EPHB2: variants seen among roughly 807,000 people sequenced by gnomAD.
EPHB2 encodes the protein EPH receptor B2, also known as ephrin type-B receptor 2.
EPHB2 carries 18 observed loss-of-function variants against 96.4 expected under a neutral mutation model. That is an observed-to-expected ratio of 0.19 (90% CI 0.13 to 0.28). The LOEUF (loss-of-function observed/expected upper bound fraction) is 0.28. Ranked by LOEUF, EPHB2 falls within the 10% of genes least tolerant of loss-of-function variation. EPHB2 has a pLI of 1.00. For synonymous variants in EPHB2, 506 were observed against 534.1 expected (o/e 0.95, Z 0.72); for missense variants, 989 against 1,355.4 (o/e 0.73, Z 4.25).
chr1:22,767,685 C>T (rs1431653664), intron 1 of EPHB2, among the ~76,000 whole-genome samples: 2 of 152,286 alleles, frequency 1.3e-5, no homozygotes, highest in Middle Eastern at 3.4e-3. Context: ...TCCTTCCCAC[C>T]ACTGGCCCAG....
chr1:22,777,204 CT>C (rs953757170), intron 1 of EPHB2, among the ~76,000 whole-genome samples: 8 of 152,188 alleles, frequency 5.3e-5, no homozygotes, highest in Admixed American at 5.2e-4. Context: ...ACCACATTGT[CT>C]GTGCGGAGTG....
chr1:22,909,335 G>A (rs373224306), intron 13 of EPHB2, among the ~76,000 whole-genome samples, 164 bp downstream of exon 13: 2 of 152,216 alleles, frequency 1.3e-5, no homozygotes, highest in African/African-American at 4.8e-5. Flanking sequence ...TGGCTGATTC[G>A]AATGTCTGCA....
chr1:22,798,499 C>T (rs933590706), intron 3 of EPHB2, among the ~76,000 whole-genome samples: 1 of 152,060 alleles, frequency 6.6e-6, no homozygotes, highest in Non-Finnish European at 1.5e-5. Context: ...AGTTTCAGCT[C>T]CTGCTCCCTT....
chr1:22,842,508 G>A (rs1387131053), intron 3 of EPHB2, among the ~76,000 whole-genome samples: 2 of 151,960 alleles, frequency 1.3e-5, no homozygotes, highest in African/African-American at 2.4e-5. Context: ...TGGCCACCCT[G>A]TGCCCCCATA....
intron 1 of EPHB2, 107 bp from the exon 2 acceptor site, chr1:22,781,314 C>A (rs1224674974): frequency 4.8e-6 from 5 of 1,048,120 alleles, no homozygotes; most frequent in Admixed American, 2.4e-5. Context: ...AGCCAGACTC[C>A]GTCTAAAAAA....
intron 1 of EPHB2, among the ~76,000 whole-genome samples, chr1:22,765,718 C>T (rs1319423174): frequency 6.6e-6 from 1 of 152,060 alleles, no homozygotes; most frequent in African/African-American, 2.4e-5. Context: ...GGACCAACCC[C>T]CAGGCTGCCT....
intron 1 of EPHB2, among the ~76,000 whole-genome samples, chr1:22,721,944 A>G (rs929512177): frequency 6.6e-6 from 1 of 151,926 alleles, no homozygotes; most frequent in Non-Finnish European, 1.5e-5. Context: ...TGCTTATGGG[A>G]AAACTGGTTT....
chr1:22,873,078 A>G (rs1638724793), intron 5 of EPHB2, among the ~76,000 whole-genome samples: 1 of 152,240 alleles, frequency 6.6e-6, no homozygotes, highest in South Asian at 2.1e-4. Context: ...AAAATAACAG[A>G]TAGCCACTGC....
chr1:22,873,457 T>C (rs1175575816), intron 5 of EPHB2, among the ~76,000 whole-genome samples: 3 of 152,176 alleles, frequency 2.0e-5, no homozygotes, highest in African/African-American at 7.2e-5. Context: ...TCTGCTTATA[T>C]CATGTTGGCT....
chr1:22,919,822 T>C lies in EPHB2; in HGVS notation c.*6252T>C, dbSNP rs1401823354. ...GGTGAAAGATTCCAAGATTCTAGGA[T>C]TGCAAAACCCCATCATTCTAAGATT... On this transcript the variant is annotated 3_prime_UTR_variant, in exon 16 of 16. Coordinates refer to ENST00000374630, the MANE Select transcript of EPHB2 (RefSeq NM_017449.5). 6.6e-6 allele frequency: 1 copy of C among 152,140 alleles called. No individual in the cohort carries two copies. Among genetic ancestry groups the C allele is most frequent in the African/African-American group, 2.4e-5 (1 of 41,422 alleles). The allele number at this position is 152,140 out of a possible 1,614,324, so 9.4% of individuals were successfully genotyped here. A position where few individuals can be genotyped will look rare whatever the true frequency, so the allele number is the denominator to read the frequency against.
At chr1:22,867,640 G>C (rs1638522674) in intron 5 of EPHB2, among the ~76,000 whole-genome samples, 1 of 152,196 alleles carries the variant, frequency 6.6e-6, no homozygotes, top group South Asian at 2.1e-4. Context: ...GGGAGGCCAA[G>C]GTGGGTGGAT....
chr1:22,909,221 G>A, intron 13 of EPHB2, 50 bp downstream of exon 13: 1 of 1,613,810 alleles, frequency 6.2e-7, no homozygotes, highest in Non-Finnish European at 8.5e-7. Flanking sequence ...CCAGATGGGA[G>A]AGGGAAGATC....
chr1:22,740,121 C>T (rs1443727274), intron 1 of EPHB2, among the ~76,000 whole-genome samples: 2 of 152,206 alleles, frequency 1.3e-5, no homozygotes, highest in Non-Finnish European at 2.9e-5. Flanking sequence ...TGTACTCAAC[C>T]TGAGGTCCCT....
In EPHB2 at chr1:22,917,929, G is replaced by A. The variant is rs1439563082; in HGVS notation, c.*4359G>A. 1.3e-5 allele frequency: 2 copies of A among 152,246 alleles called. No homozygotes were observed. Among genetic ancestry groups the A allele is most frequent in the East Asian group, 3.9e-4 (2 of 5,194 alleles). 9.4% of individuals were successfully genotyped at this position (152,246 alleles called of 1,614,324 possible). ...AGAAAGGTCACTCCAAGACGCAGCTGCCAGAATGGTCCAACACAGTGAGGA... is the reference window on the plus strand; with the variant it reads ...AGAAAGGTCACTCCAAGACGCAGCTACCAGAATGGTCCAACACAGTGAGGA... On this transcript the variant is annotated 3_prime_UTR_variant, in exon 16 of 16. Coordinates refer to ENST00000374630, the MANE Select transcript of EPHB2 (RefSeq NM_017449.5).
intron 3 of EPHB2, among the ~76,000 whole-genome samples, chr1:22,814,259 G>A (rs529746431): frequency 5.1e-4 from 77 of 152,330 alleles, no homozygotes; most frequent in Non-Finnish European, 9.3e-4. Flanking sequence ...ATTGAGTGCC[G>A]AACTTGAACA....
chr1:22,755,933 A>G (rs1472149041), intron 1 of EPHB2, among the ~76,000 whole-genome samples: 2 of 151,878 alleles, frequency 1.3e-5, no homozygotes, highest in Non-Finnish European at 2.9e-5. Context: ...TAATTTCACC[A>G]CTCTAGAAAG....
At chr1:22,911,332 C>G (rs2817890) in intron 14 of EPHB2, among the ~76,000 whole-genome samples, 3 of 152,074 alleles carry the variant, frequency 2.0e-5, no homozygotes, top group African/African-American at 7.3e-5. Flanking sequence ...CCTACATGCA[C>G]AGATGAACAC....
chr1:22,734,593 T>C (rs1643785732), intron 1 of EPHB2, among the ~76,000 whole-genome samples: 1 of 152,078 alleles, frequency 6.6e-6, no homozygotes, highest in East Asian at 1.9e-4. Context: ...GACTAATTTT[T>C]GTATTTTTAG....
In EPHB2 at chr1:22,784,630, C is replaced by T. The variant is rs1464345226; in HGVS notation, c.365C>T (p.Ser122Leu). Residue 122 changes from serine (S) to leucine (L), a missense_variant, in exon 3 of 16, where the codon TCG becomes TTG. Coordinates refer to ENST00000374630, the MANE Select transcript of EPHB2 (RefSeq NM_017449.5). This position sits in a 1 kb window ranked among gnomAD's most constrained non-coding sequence, Gnocchi z 5.1. Reference protein sequence around the residue: ...NLYYYEADFDSATKTFPNWME... With the variant: ...NLYYYEADFDLATKTFPNWME... ...TATTACTATGAGGCTGACTTTGACTCGGCCACCAAGACCTTCCCCAACTGG... is the reference window on the plus strand; with the variant it reads ...TATTACTATGAGGCTGACTTTGACTTGGCCACCAAGACCTTCCCCAACTGG... 6.8e-6 allele frequency: 11 copies of T among 1,613,988 alleles called. No individual in the cohort carries two copies. Among genetic ancestry groups the T allele is most frequent in the African/African-American group, 4.0e-5 (3 of 74,942 alleles).
Sources: gnomAD v4.1 joint callset for allele counts (sites outside exome capture counted in the v4.1 genomes callset) on GRCh38, gnomAD v4.1.1 for gene constraint, Gnocchi (gnomAD v3.1) non-coding constraint, MANE v1.5 for transcripts, NCBI Gene and HGNC (gene_info 2026-07-23, HGNC 2026-07-21) for gene names.